RC3H1: variants seen among roughly 807,000 people sequenced by gnomAD.
RC3H1 encodes the protein roquin-1.
A neutral mutation model predicts 138.2 loss-of-function variants in RC3H1; 50 were observed. That is an observed-to-expected ratio of 0.36 (90% confidence interval 0.29 to 0.46). RC3H1 has a LOEUF of 0.46. RC3H1 is among the 20% of genes least tolerant of loss of function. The pLI, the probability that RC3H1 is intolerant of heterozygous loss-of-function variation, is 1.00. For synonymous variants in RC3H1, 462 were observed against 489.1 expected, an observed-to-expected ratio of 0.94 and a Z score of 0.73; for missense variants, 1,031 against 1,388.1, an observed-to-expected ratio of 0.74 and a Z score of 4.09.
At chr1:173,978,431 C>A in intron 7 of RC3H1, 57 bp downstream of exon 7, 3 of 1,554,038 alleles carry the variant, frequency 1.9e-6, no homozygotes, top group East Asian at 4.6e-5. Context: ...ATTAAAGAAT[C>A]ATTGAGCAGC....
At chr1:173,984,713 C>T (rs939498578) in intron 2 of RC3H1, 94 bp from the exon 3 acceptor site, 4 of 1,234,052 alleles carry the variant, frequency 3.2e-6, no homozygotes, top group African/African-American at 1.5e-5. Context: ...ACACTGGTAA[C>T]ATCAAAACGC....
rs1160270734 is a variant in RC3H1, at chr1:173,946,804, C to T, written c.2770G>A (p.Gly924Arg). Reference protein sequence around the residue: ...YSPYGTHGGWGASPYSPHQNI... With the variant: ...YSPYGTHGGWRASPYSPHQNI... Reference sequence around the variant, plus strand: ...TGATGAGGTGAATATGGAGAAGCTCCCCAGCCACCGTGGGTTCCATATGGA... The same window carrying T: ...TGATGAGGTGAATATGGAGAAGCTCTCCAGCCACCGTGGGTTCCATATGGA... The change falls in exon 16 of 20, where the codon GGA becomes AGA. Residue 924 changes from glycine to arginine, a missense_variant. Coordinates refer to ENST00000367696, the MANE Select transcript of RC3H1 (RefSeq NM_172071.4). The T allele has an allele frequency of 1.2e-6, 2 of 1,613,308 alleles. No homozygotes were observed. Among genetic ancestry groups the T allele is most frequent in the Non-Finnish European group, 1.7e-6 (2 of 1,179,442 alleles).
At chr1:174,009,725 C>A (rs371430206) in intron 1 of RC3H1, among the ~76,000 whole-genome samples, 1 of 152,098 alleles carries the variant, frequency 6.6e-6, no homozygotes, top group African/African-American at 2.4e-5. Context: ...GTAGTCTCAG[C>A]TACTTGGAAG....
At chr1:173,999,104 A>T (rs1262068531) in intron 1 of RC3H1, among the ~76,000 whole-genome samples, 1 of 151,368 alleles carries the variant, frequency 6.6e-6, no homozygotes, top group Non-Finnish European at 1.5e-5. Context: ...TAAAAAAAAA[A>T]ACTGTTGGGC....
At position 174,000,839 on chromosome 1, in the gene RC3H1, C is replaced by T. The variant is rs541437972; in HGVS notation, c.-150-7704G>A. 1.0e-3 allele frequency among the ~76,000 whole-genome samples: 158 copies of T among 152,278 alleles called. 2 individuals carry two copies. In the South Asian group the frequency reaches 0.012, roughly 12 times the overall value. ...CTTAATTTTTTAATCCTCAGCAGAGCATCAACTAATTTACAGTGGAAATAG... is the reference window on the plus strand; with the variant it reads ...CTTAATTTTTTAATCCTCAGCAGAGTATCAACTAATTTACAGTGGAAATAG... On this transcript the variant is annotated intron_variant, in intron 1 of 19. Coordinates refer to ENST00000367696, the MANE Select transcript of RC3H1 (RefSeq NM_172071.4).
In RC3H1 at chr1:173,937,121, CAA is replaced by C. The variant is rs1658637563; in HGVS notation, c.*1598_*1599del. On this transcript the variant is annotated 3_prime_UTR_variant, in exon 20 of 20. Transcript: ENST00000367696. ...CTGGGCAAATTAAATAATTGCTACTCAAAAGAGTGTTCTGTTTGGACTCTCCT... is the reference window on the plus strand; with the variant it reads ...CTGGGCAAATTAAATAATTGCTACTCAAGAGTGTTCTGTTTGGACTCTCCT... 1 of 152,294 alleles carries C rather than the reference CAA, an allele frequency of 6.6e-6. No individual in the cohort carries two copies. The allele number at this position is 152,294 out of a possible 1,614,324, so 9.4% of individuals were successfully genotyped here.
At chr1:174,015,358 T>G (rs558222682) in intron 1 of RC3H1, among the ~76,000 whole-genome samples, 1 of 150,886 alleles carries the variant, frequency 6.6e-6, no homozygotes, top group Non-Finnish European at 1.5e-5. Flanking sequence ...TTCAAAAGTT[T>G]TCCACTACAC....
chr1:173,955,748 T>G (rs528861406), intron 13 of RC3H1, among the ~76,000 whole-genome samples: 1 of 152,334 alleles, frequency 6.6e-6, no homozygotes, highest in Non-Finnish European at 1.5e-5. Flanking sequence ...AGATATTTAT[T>G]TAGCCCACAG....
At chr1:174,007,538 A>G (rs539692483) in intron 1 of RC3H1, among the ~76,000 whole-genome samples, 333 of 152,112 alleles carry the variant, frequency 2.2e-3, no homozygotes, top group Non-Finnish European at 3.2e-3. Context: ...ATCATGGCTC[A>G]CTGCAGCCTC....
intron 1 of RC3H1, among the ~76,000 whole-genome samples, chr1:173,995,767 A>G (rs1370369782): frequency 6.6e-6 from 1 of 152,124 alleles, no homozygotes; most frequent in Non-Finnish European, 1.5e-5. Context: ...AGTAACAACT[A>G]TATGTCTTTT....
chr1:173,963,887 G>T, intron 11 of RC3H1, 86 bp downstream of exon 11: 2 of 1,043,768 alleles, frequency 1.9e-6, no homozygotes, highest in Non-Finnish European at 1.4e-6. Context: ...TCTTAAAGAG[G>T]CTACTGTGTA....
At chr1:173,985,761 T>C (rs1019647375) in intron 2 of RC3H1, among the ~76,000 whole-genome samples, 2 of 152,172 alleles carry the variant, frequency 1.3e-5, no homozygotes, top group Non-Finnish European at 2.9e-5. Flanking sequence ...TTGTATTCTT[T>C]GATAATTATC....
chr1:173,984,526 A>T lies in RC3H1; in HGVS notation c.325T>A (p.Tyr109Asn). Residue 109 changes from tyrosine (Y) to asparagine (N), a missense_variant, in exon 3 of 20, where the codon TAC becomes AAC. Physicochemically the swap from Tyr to Asn is moderately radical, Grantham distance 143. Coordinates refer to ENST00000367696, the MANE Select transcript of RC3H1 (RefSeq NM_172071.4). ...CTAGCACTGCTGAGCGGTTTTAAGT[A>T]CAATGCTAATTCTTCTACACATTTC... Reference protein sequence around the residue: ...AKKCVEELALYLKPLSSARGV... With the variant: ...AKKCVEELALNLKPLSSARGV... 6.2e-7 allele frequency: 1 copy of T among 1,613,964 alleles called. No homozygotes were observed. The highest frequency in any genetic ancestry group is 8.5e-7 in the Non-Finnish European group (1 of 1,179,918).
At chr1:173,952,402 TAA>T (rs35197109) in intron 13 of RC3H1, among the ~76,000 whole-genome samples, 2,516 of 47,058 alleles carry the variant, frequency 0.053, 33 homozygotes, top group Middle Eastern at 0.17. Flanking sequence ...TAGCAGAAGG[TAA>T]AAAAAAAAAA....
intron 7 of RC3H1, among the ~76,000 whole-genome samples, chr1:173,978,128 A>G (rs1474149617): frequency 6.6e-6 from 1 of 152,206 alleles, no homozygotes; most frequent in Non-Finnish European, 1.5e-5. Context: ...AGGATCAAGG[A>G]AATGCAACTA....
rs1457792047 is a variant in RC3H1, at chr1:173,936,745, ATATATATATATATATATT to A, written c.*1958_*1975del. The A allele has an allele frequency of 3.2e-3, 164 of 51,512 alleles. 2 individuals carry two copies. Among genetic ancestry groups the A allele is most frequent in the African/African-American group, 0.021 (155 of 7,512 alleles). The allele number at this position is 51,512 out of a possible 1,614,324, so 3.2% of individuals were successfully genotyped here. On this transcript the variant is annotated 3_prime_UTR_variant, in exon 20 of 20. Coordinates refer to ENST00000367696, the MANE Select transcript of RC3H1 (RefSeq NM_172071.4). ...AAAAAGCATACATATATATATATAT[ATATATATATATATATATT>A]TTTTTTTTTTTTTTTAAAAAAAGAA...
chr1:174,001,257 C>G (rs1460242351), intron 1 of RC3H1, among the ~76,000 whole-genome samples: 1 of 152,106 alleles, frequency 6.6e-6, no homozygotes, highest in East Asian at 1.9e-4. Context: ...ATGGAGAAGC[C>G]GCCTGACCTG....
rs1658991434 is a variant in RC3H1, at chr1:173,943,369, C to T, written c.3135+73G>A. 3 of 1,423,244 alleles carry T rather than the reference C, an allele frequency of 2.1e-6. No individual in the cohort carries two copies. In the African/African-American group the frequency reaches 4.2e-5, roughly 20 times the overall value. 88.2% of individuals were successfully genotyped at this position (1,423,244 alleles called of 1,614,324 possible). On this transcript the variant is annotated intron_variant, in intron 18 of 19. Transcript: ENST00000367696. ...AGTGCCTTGAAGTGATGATTCTGTG[C>T]CTCTAGATAATTCTAGAGCCACATG...
At chr1:174,011,652 G>C (rs779822548) in intron 1 of RC3H1, among the ~76,000 whole-genome samples, 60 of 151,388 alleles carry the variant, frequency 4.0e-4, no homozygotes, top group Admixed American at 6.6e-4. Context: ...AAGCACAGAG[G>C]GACAGCTTAC....
Sources: gnomAD v4.1 joint callset for allele counts (sites outside exome capture counted in the v4.1 genomes callset) on GRCh38, gnomAD v4.1.1 for gene constraint, MANE v1.5 for transcripts, NCBI Gene and HGNC (gene_info 2026-07-23, HGNC 2026-07-21) for gene names.